Variants in CFAP61 observed in about 807,000 individuals in gnomAD.
CFAP61 encodes the protein cilia and flagella associated protein 61.
Under a neutral mutation model 135.6 loss-of-function variants are expected in CFAP61, and 107 were observed. That is an observed-to-expected ratio of 0.79 (90% confidence interval 0.67 to 0.93). CFAP61 has a LOEUF of 0.93. Ranked by LOEUF, CFAP61 falls within the 40% of genes least tolerant of loss-of-function variation. The pLI, the probability that CFAP61 is intolerant of heterozygous loss-of-function variation, is 0.00. For missense variants in CFAP61, 1,507 were observed against 1,556.2 expected, an observed-to-expected ratio of 0.97 and a Z score of 0.53; for synonymous variants, 575 against 578.5, an observed-to-expected ratio of 0.99 and a Z score of 0.09.
intron 25 of CFAP61, among the ~76,000 whole-genome samples, chr20:20,339,767 C>T (rs1445959951): frequency 6.6e-6 from 1 of 152,086 alleles, no homozygotes; most frequent in Non-Finnish European, 1.5e-5. Context: ...GTAGGCATGA[C>T]ACATCATACC....
intron 17 of CFAP61, among the ~76,000 whole-genome samples, chr20:20,209,223 A>C (rs1269336053): frequency 1.3e-5 from 2 of 152,168 alleles, no homozygotes; most frequent in Non-Finnish European, 2.9e-5. Context: ...TGCTGTGTGT[A>C]GGCCAGTTCC....
intron 26 of CFAP61, among the ~76,000 whole-genome samples, chr20:20,355,752 A>G (rs1462394530): frequency 4.9e-4 from 58 of 118,916 alleles, no homozygotes; most frequent in African/African-American, 6.2e-4. Context: ...TAGTGACACT[A>G]TGAGCAGAGA....
chr20:20,294,029 C>A (rs2055199912), intron 24 of CFAP61, among the ~76,000 whole-genome samples: 1 of 152,180 alleles, frequency 6.6e-6, no homozygotes, highest in Non-Finnish European at 1.5e-5. Context: ...AGAAGAAAAA[C>A]CACATCAGAA....
intron 17 of CFAP61, chr20:20,200,755 C>T (rs768708574): frequency 4.7e-5 from 46 of 985,260 alleles, no homozygotes; most frequent in African/African-American, 5.2e-5. Flanking sequence ...GAGCTGGAGA[C>T]GATGCTGAAA....
chr20:20,263,272 GATTA>G, intron 21 of CFAP61, 142 bp downstream of exon 21: 2 of 587,716 alleles, frequency 3.4e-6, no homozygotes, highest in Non-Finnish European at 5.2e-6. Context: ...TTGTTTTCCA[GATTA>G]ATTTACAACT....
At chr20:20,074,236 C>A (rs919579088) in intron 3 of CFAP61, 66 bp from the exon 4 acceptor site, 268 of 1,337,828 alleles carry the variant, frequency 2.0e-4, no homozygotes, top group Non-Finnish European at 2.7e-4. Flanking sequence ...ACCCTCTTTC[C>A]ACCCTGTGCT....
chr20:20,071,041 G>C (rs2045668234), intron 3 of CFAP61, 37 bp downstream of exon 3: 1 of 1,597,670 alleles, frequency 6.3e-7, no homozygotes, highest in Non-Finnish European at 8.6e-7. Context: ...AGAACACCCT[G>C]AATCTTGAGG....
In CFAP61 at chr20:20,056,805, A is replaced by C; in HGVS notation, c.143+9A>C. The C allele has an allele frequency of 1.9e-6, 3 of 1,613,674 alleles. No individual in the cohort carries two copies. Among genetic ancestry groups the C allele is most frequent in the Non-Finnish European group, 2.5e-6 (3 of 1,179,722 alleles). On this transcript the variant is annotated intron_variant, in intron 2 of 26. Transcript: ENST00000245957. ...AATATCATCTATCTTCTGTAAGTAGATAACTAAGTTCAAGAATGTTCATCA... is the reference window on the plus strand; with the variant it reads ...AATATCATCTATCTTCTGTAAGTAGCTAACTAAGTTCAAGAATGTTCATCA...
At chr20:20,143,374 G>A (rs1450747149) in intron 9 of CFAP61, among the ~76,000 whole-genome samples, 2 of 152,112 alleles carry the variant, frequency 1.3e-5, no homozygotes, top group African/African-American at 4.8e-5. Context: ...CCATCTCCCA[G>A]CAAAGTCCCC....
At chr20:20,203,614 C>G (rs2056729422) in intron 17 of CFAP61, among the ~76,000 whole-genome samples, 1 of 152,058 alleles carries the variant, frequency 6.6e-6, no homozygotes. Flanking sequence ...AGTATTTATC[C>G]TGAATGAGTA....
Position 20,248,707 on chromosome 20 carries a change from G to A in CFAP61, c.2159+2492G>A, listed in dbSNP as rs112934365. Among the ~76,000 whole-genome samples, 942 of 152,318 alleles carry A rather than the reference G, an allele frequency of 6.2e-3. 8 individuals carry two copies. Among genetic ancestry groups the A allele is most frequent in the African/African-American group, 0.021 (879 of 41,576 alleles). ...TTCTAAGGTTCTTTCCAGCTCGGAA[G>A]AGTCATGATTCCACGAGGTGCAGGT... On this transcript the variant is annotated intron_variant, in intron 19 of 26. Transcript: ENST00000245957.
intron 8 of CFAP61, among the ~76,000 whole-genome samples, chr20:20,110,070 C>A (rs1205934548): frequency 1.3e-5 from 2 of 151,982 alleles, no homozygotes; most frequent in African/African-American, 2.4e-5. Context: ...CCATGCCTGG[C>A]TAATTTTTGG....
chr20:20,303,968 T>C (rs1241751091), intron 25 of CFAP61, among the ~76,000 whole-genome samples: 1 of 152,152 alleles, frequency 6.6e-6, no homozygotes, highest in Non-Finnish European at 1.5e-5. Context: ...GCACTAGCTG[T>C]GCCAATGGGA....
chr20:20,222,919 T>A (rs549842664), intron 17 of CFAP61, among the ~76,000 whole-genome samples: 6 of 152,202 alleles, frequency 3.9e-5, no homozygotes, highest in African/African-American at 1.2e-4. Context: ...ATCAGAAAAA[T>A]TACATTTATA....
At chr20:20,102,125 A>C (rs556100076) in intron 8 of CFAP61, among the ~76,000 whole-genome samples, 2 of 152,296 alleles carry the variant, frequency 1.3e-5, no homozygotes, top group East Asian at 3.9e-4. Flanking sequence ...GTCAGGCTGG[A>C]AGTGTCAGGA....
intron 8 of CFAP61, among the ~76,000 whole-genome samples, chr20:20,124,993 T>C (rs1316222425): frequency 6.6e-6 from 1 of 151,868 alleles, no homozygotes; most frequent in Non-Finnish European, 1.5e-5. Flanking sequence ...CTAGGTTTTC[T>C]AGTTTGTGTG....
intron 25 of CFAP61, among the ~76,000 whole-genome samples, chr20:20,300,820 G>T (rs890184416): frequency 6.6e-6 from 1 of 151,930 alleles, no homozygotes; most frequent in Admixed American, 6.5e-5. Flanking sequence ...TGGCCAGGCT[G>T]GTCTCGAATT....
chr20:20,212,171 C>G (rs1356715107), intron 17 of CFAP61, among the ~76,000 whole-genome samples: 1 of 152,182 alleles, frequency 6.6e-6, no homozygotes, highest in Non-Finnish European at 1.5e-5. Context: ...CTTCTAACAG[C>G]TCAGTACTTC....
At chr20:20,093,197 A>G (rs1276004883) in intron 7 of CFAP61, among the ~76,000 whole-genome samples, 1 of 152,208 alleles carries the variant, frequency 6.6e-6, no homozygotes, top group Non-Finnish European at 1.5e-5. Flanking sequence ...GATGCTAAAG[A>G]AAAGAAGTCA....
Sources: gnomAD v4.1 joint callset for allele counts (sites outside exome capture counted in the v4.1 genomes callset) on GRCh38, gnomAD v4.1.1 for gene constraint, MANE v1.5 for transcripts, NCBI Gene and HGNC (gene_info 2026-07-23, HGNC 2026-07-21) for gene names.